DCC: variants seen among roughly 807,000 people sequenced by gnomAD.
DCC encodes the protein DCC netrin 1 receptor, also known as netrin receptor DCC.
Under a neutral mutation model 172.5 loss-of-function variants are expected in DCC, and 58 were observed. The ratio of observed to expected loss-of-function variants is 0.34; its 90% confidence interval spans 0.27 to 0.42. The LOEUF (loss-of-function observed/expected upper bound fraction) is 0.42. Among genes scored for constraint, DCC ranks in the 10% least tolerant of loss-of-function variants. The pLI is 1.00. For missense variants in DCC, 1,740 were observed against 1,791.0 expected, an observed-to-expected ratio of 0.97 and a Z score of 0.51; for synonymous variants, 709 against 644.5, an observed-to-expected ratio of 1.10 and a Z score of -1.52.
chr18:52,787,035 G>T (rs1335607435), intron 2 of DCC, among the ~76,000 whole-genome samples: 1 of 152,086 alleles, frequency 6.6e-6, no homozygotes, highest in African/African-American at 2.4e-5. Context: ...AGAGAAACAT[G>T]CTCCAAATTT....
At chr18:52,439,021 T>C (rs961535459) in intron 1 of DCC, among the ~76,000 whole-genome samples, 2 of 152,260 alleles carry the variant, frequency 1.3e-5, no homozygotes, top group Non-Finnish European at 2.9e-5. Context: ...ATTTTCTCTA[T>C]ACTTACTGAG....
At chr18:52,836,492 C>T (rs907618495) in intron 2 of DCC, among the ~76,000 whole-genome samples, 36 of 152,160 alleles carry the variant, frequency 2.4e-4, no homozygotes, top group African/African-American at 8.4e-4. Flanking sequence ...TACACCTGTT[C>T]CAAATGGGAG....
intron 7 of DCC, among the ~76,000 whole-genome samples, chr18:53,074,017 A>G (rs990666829): frequency 3.3e-5 from 5 of 152,124 alleles, no homozygotes; most frequent in African/African-American, 1.2e-4. Context: ...AATTAGTTCA[A>G]TTATTAAGAT....
At chr18:52,395,237 A>G (rs977980764) in intron 1 of DCC, among the ~76,000 whole-genome samples, 1 of 152,048 alleles carries the variant, frequency 6.6e-6, no homozygotes, top group Admixed American at 6.6e-5. Flanking sequence ...TTTAGATTGA[A>G]ATTTACTATT....
chr18:53,360,785 C>T (rs1340318792), intron 15 of DCC, among the ~76,000 whole-genome samples: 1 of 152,144 alleles, frequency 6.6e-6, no homozygotes, highest in African/African-American at 2.4e-5. Flanking sequence ...AGTGTTATGA[C>T]ATAAGGGATC....
At chr18:53,381,125 G>T (rs1185104773) in intron 15 of DCC, among the ~76,000 whole-genome samples, 4 of 48,662 alleles carry the variant, frequency 8.2e-5, no homozygotes, top group African/African-American at 2.3e-4. Flanking sequence ...GGGGTTAGGA[G>T]ATGAAGAAAT....
chr18:53,414,372 T>C (rs55958323), intron 20 of DCC, among the ~76,000 whole-genome samples: 11,649 of 152,040 alleles, frequency 0.077, 855 homozygotes, highest in African/African-American at 0.19. Context: ...ATAATAATAA[T>C]AAAATGGGTG....
chr18:52,503,683 C>T (rs540246538), intron 1 of DCC, among the ~76,000 whole-genome samples: 2 of 152,244 alleles, frequency 1.3e-5, no homozygotes, highest in African/African-American at 4.8e-5. Flanking sequence ...GTCTCATGCT[C>T]ATCTGAATCT....
At chr18:52,738,753 T>G (rs1444315562) in intron 1 of DCC, among the ~76,000 whole-genome samples, 2 of 151,442 alleles carry the variant, frequency 1.3e-5, no homozygotes, top group Non-Finnish European at 2.9e-5. Context: ...TTGTTTTTTT[T>G]TTTTGAGACT....
intron 1 of DCC, among the ~76,000 whole-genome samples, chr18:52,684,851 T>C (rs2144998626): frequency 6.6e-6 from 1 of 152,308 alleles, no homozygotes; most frequent in African/African-American, 2.4e-5. Context: ...AGTGAACTTA[T>C]GTTTTTATGC....
intron 9 of DCC, among the ~76,000 whole-genome samples, chr18:53,181,681 A>G (rs1431893596): frequency 3.9e-5 from 6 of 152,178 alleles, no homozygotes; most frequent in Admixed American, 3.9e-4. Context: ...TGTTCCTAAC[A>G]CTGTTCCAGG....
chr18:53,185,011 T>C (rs2055257572), intron 9 of DCC, among the ~76,000 whole-genome samples: 1 of 152,182 alleles, frequency 6.6e-6, no homozygotes, highest in African/African-American at 2.4e-5. Flanking sequence ...AACAATTCAG[T>C]TGTCTGATCC....
intron 5 of DCC, among the ~76,000 whole-genome samples, chr18:53,032,102 A>G (rs1474126726): frequency 6.6e-6 from 1 of 152,176 alleles, no homozygotes; most frequent in Admixed American, 6.6e-5. Flanking sequence ...AGACAATGTC[A>G]TCATCTAGAA....
chr18:52,370,846 GAAGA>G (rs1985091355), intron 1 of DCC, among the ~76,000 whole-genome samples: 1 of 152,180 alleles, frequency 6.6e-6, no homozygotes, highest in African/African-American at 2.4e-5. Flanking sequence ...TTTTGATGGA[GAAGA>G]AAGGAATAAG....
chr18:52,980,498 C>G (rs2041192748), intron 5 of DCC, among the ~76,000 whole-genome samples: 1 of 151,894 alleles, frequency 6.6e-6, no homozygotes, highest in African/African-American at 2.4e-5. Context: ...TGGCTCGTTT[C>G]AAGGGATGAT....
At position 52,598,640 on chromosome 18, in the gene DCC, A is replaced by G. The variant is rs374121072; in HGVS notation, c.92-153414A>G. 7.2e-5 allele frequency among the ~76,000 whole-genome samples: 11 copies of G among 152,378 alleles called. No individual in the cohort carries two copies. In the East Asian group the frequency reaches 1.7e-3, roughly 24 times the overall value. On this transcript the variant is annotated intron_variant, in intron 1 of 28. Coordinates refer to ENST00000442544, the MANE Select transcript of DCC (RefSeq NM_005215.4). Reference sequence around the variant, plus strand: ...CTCAGGCTCTATTCTTCTGCGGATCATAGCCCATGTAGCAATTTAAATATG... The same window carrying G: ...CTCAGGCTCTATTCTTCTGCGGATCGTAGCCCATGTAGCAATTTAAATATG...
At chr18:52,398,659 C>A (rs1986323528) in intron 1 of DCC, among the ~76,000 whole-genome samples, 1 of 151,888 alleles carries the variant, frequency 6.6e-6, no homozygotes, top group African/African-American at 2.4e-5. Flanking sequence ...GCATTAAGGC[C>A]AAGCTGTGCA....
At chr18:53,257,866 T>A (rs929479342) in intron 12 of DCC, among the ~76,000 whole-genome samples, 4 of 152,212 alleles carry the variant, frequency 2.6e-5, no homozygotes, top group African/African-American at 9.6e-5. Flanking sequence ...TGGTAAGCTA[T>A]TAATTGTTGC....
chr18:52,835,408 T>C (rs1171189403), intron 2 of DCC, among the ~76,000 whole-genome samples: 3 of 152,212 alleles, frequency 2.0e-5, no homozygotes, highest in African/African-American at 7.2e-5. Context: ...GGATTTTAAA[T>C]AGGGAAAATA....
Sources: gnomAD v4.1 joint callset for allele counts (sites outside exome capture counted in the v4.1 genomes callset) on GRCh38, gnomAD v4.1.1 for gene constraint, MANE v1.5 for transcripts, NCBI Gene and HGNC (gene_info 2026-07-23, HGNC 2026-07-21) for gene names.